PAPPA: variants seen among roughly 807,000 people sequenced by gnomAD.
PAPPA encodes pappalysin 1, also known as pappalysin-1.
Under a neutral mutation model 164.0 loss-of-function variants are expected in PAPPA, and 60 were observed. That is an observed-to-expected ratio of 0.37 (90% CI 0.30 to 0.45). PAPPA has a LOEUF of 0.45. PAPPA is among the 20% of genes least tolerant of loss of function. The pLI is 1.00. For missense variants in PAPPA, 1,782 were observed against 2,087.3 expected (o/e 0.85, Z 2.85); for synonymous variants, 875 against 814.1 (o/e 1.07, Z -1.27).
intron 2 of PAPPA, among the ~76,000 whole-genome samples, chr9:116,198,169 A>G (rs1450672092): frequency 6.6e-6 from 1 of 152,142 alleles, no homozygotes; most frequent in Non-Finnish European, 1.5e-5. Flanking sequence ...GTGGGAAGAG[A>G]GCTGTGGGCC....
At chr9:116,258,504 A>G (rs146981648) in intron 7 of PAPPA, among the ~76,000 whole-genome samples, 1 of 152,080 alleles carries the variant, frequency 6.6e-6, no homozygotes, top group African/African-American at 2.4e-5. Context: ...TAAAAATACA[A>G]AATTAGCCAG....
At position 116,362,648 on chromosome 9, in the gene PAPPA, C is replaced by G; in HGVS notation, c.4404C>G (p.Phe1468Leu). 6.2e-7 allele frequency: 1 copy of G among 1,614,126 alleles called. No individual in the cohort carries two copies. The highest frequency in any genetic ancestry group is 1.3e-5 in the African/African-American group (1 of 75,068). Residue 1468 changes from phenylalanine to leucine, a missense_variant, in exon 18 of 22, where the codon TTC (phenylalanine) becomes TTG (leucine). By Grantham distance (22) the Phe-to-Leu change is conservative (BLOSUM62 0). Coordinates refer to ENST00000328252, the MANE Select transcript of PAPPA (RefSeq NM_002581.5). ...CRKDGTWNGS[F>L]HVCQEMQGQC... ...AAGATGGCACCTGGAACGGCTCCTT[C>G]CATGTCTGCCAGGAGATGCAAGGCC...
At chr9:116,372,427 T>A (rs1186753370) in intron 19 of PAPPA, among the ~76,000 whole-genome samples, 2 of 152,366 alleles carry the variant, frequency 1.3e-5, no homozygotes, top group East Asian at 1.9e-4. Flanking sequence ...TGACTTTTTT[T>A]AAACACTTGT....
chr9:116,229,504 C>T (rs1022095371), intron 6 of PAPPA, among the ~76,000 whole-genome samples: 5 of 152,142 alleles, frequency 3.3e-5, no homozygotes. Context: ...ATAGATATAA[C>T]CTGCATAAGC....
chr9:116,209,223 G>T (rs1238357950), intron 3 of PAPPA, among the ~76,000 whole-genome samples: 1 of 152,162 alleles, frequency 6.6e-6, no homozygotes, highest in Non-Finnish European at 1.5e-5. Flanking sequence ...TGCCTAGTAT[G>T]ATATATGGGA....
intron 20 of PAPPA, among the ~76,000 whole-genome samples, chr9:116,381,829 A>G (rs1045419341): frequency 1.1e-4 from 17 of 152,222 alleles, no homozygotes; most frequent in African/African-American, 3.6e-4. Flanking sequence ...CAAACATGTA[A>G]AATGTGTGAC....
At chr9:116,240,077 T>C (rs1844718007) in intron 7 of PAPPA, among the ~76,000 whole-genome samples, 1 of 152,162 alleles carries the variant, frequency 6.6e-6, no homozygotes, top group Non-Finnish European at 1.5e-5. Flanking sequence ...AAGAAGTAAA[T>C]ACTCTGGACA....
chr9:116,287,516 T>G (rs2118856133), intron 9 of PAPPA: 1 of 152,100 alleles, frequency 6.6e-6, no homozygotes, highest in Middle Eastern at 3.4e-3. Flanking sequence ...TAGACTAGAG[T>G]GCGTTCGAGA....
chr9:116,369,742 G>T (rs961028288), intron 19 of PAPPA, among the ~76,000 whole-genome samples: 10 of 151,998 alleles, frequency 6.6e-5, no homozygotes, highest in African/African-American at 2.2e-4. Context: ...AAGCCTGCAA[G>T]CTGCCCCCCC....
intron 13 of PAPPA, among the ~76,000 whole-genome samples, chr9:116,338,894 T>C (rs552908368): frequency 6.6e-6 from 1 of 152,342 alleles, no homozygotes; most frequent in African/African-American, 2.4e-5. Context: ...TCTGAAATTA[T>C]AGACCTCTGT....
chr9:116,177,299 T>A (rs920490873), intron 1 of PAPPA, among the ~76,000 whole-genome samples: 3 of 152,198 alleles, frequency 2.0e-5, no homozygotes, highest in Non-Finnish European at 4.4e-5. Context: ...CAAATTGTGC[T>A]CTTCACTACC....
rs368305859 is a variant in PAPPA at position 116,281,009 on chromosome 9, A to T, written c.2953+9593A>T. Among the ~76,000 whole-genome samples the T allele has an allele frequency of 7.1e-4, 108 of 152,358 alleles. 1 individual carries two copies. The highest frequency in any genetic ancestry group is 2.5e-3 in the African/African-American group (104 of 41,594). On this transcript the variant is annotated intron_variant, in intron 9 of 21. Transcript: ENST00000328252. ...ACCAATCTCAGATACAAAATATTTG[A>T]AACTAACTGGCTAAATAAATAACAC...
intron 10 of PAPPA, among the ~76,000 whole-genome samples, chr9:116,328,022 C>T (rs919357719): frequency 6.6e-6 from 1 of 152,170 alleles, no homozygotes; most frequent in Non-Finnish European, 1.5e-5. Context: ...TCCTTTAAAA[C>T]CCTGTCTAGT....
Position 116,164,117 on chromosome 9 carries a change from A to G in PAPPA, c.415+9530A>G, listed in dbSNP as rs151288844. Among the ~76,000 whole-genome samples, 716 of 152,296 alleles carry G rather than the reference A, an allele frequency of 4.7e-3. 6 individuals are homozygous for G. The highest frequency in any genetic ancestry group is 8.1e-3 in the Non-Finnish European group (554 of 68,032). On this transcript the variant is annotated intron_variant, in intron 1 of 21. Coordinates refer to ENST00000328252, the MANE Select transcript of PAPPA (RefSeq NM_002581.5). ...GACAAATTCCTGGACTTTGGAATAG[A>G]CCACCGGCCTTGTAGTATTGCTTAT...
intron 19 of PAPPA, among the ~76,000 whole-genome samples, chr9:116,368,398 G>C (rs58298583): frequency 0.033 from 5,095 of 152,242 alleles, 322 homozygotes; most frequent in African/African-American, 0.12. Context: ...CTGAAATCTC[G>C]GAAGTGAGGT....
intron 9 of PAPPA, among the ~76,000 whole-genome samples, chr9:116,288,206 TA>T (rs1476251344): frequency 6.6e-6 from 1 of 152,012 alleles, no homozygotes. Context: ...CTGCCTCTAC[TA>T]AAAATACAAA....
At chr9:116,293,612 A>T (rs1845463573) in intron 9 of PAPPA, among the ~76,000 whole-genome samples, 1 of 152,258 alleles carries the variant, frequency 6.6e-6, no homozygotes, top group Non-Finnish European at 1.5e-5. Context: ...GATTACAAAA[A>T]GACTTGAAAG....
At chr9:116,292,154 C>T (rs750276360) in intron 9 of PAPPA, among the ~76,000 whole-genome samples, 5 of 152,144 alleles carry the variant, frequency 3.3e-5, no homozygotes, top group Non-Finnish European at 7.3e-5. Flanking sequence ...AGGACAGTAA[C>T]AGAAGATGGA....
chr9:116,379,506 C>G (rs528573542), intron 20 of PAPPA, among the ~76,000 whole-genome samples: 3 of 152,188 alleles, frequency 2.0e-5, no homozygotes, highest in Admixed American at 2.0e-4. Context: ...TAACTATGCT[C>G]TCCTTGAGTC....
Sources: allele counts gnomAD v4.1 joint callset (sites outside exome capture counted in the v4.1 genomes callset), GRCh38; gene constraint gnomAD v4.1.1; transcripts MANE v1.5; gene names NCBI Gene and HGNC (gene_info 2026-07-23, HGNC 2026-07-21).